Variants in MYH16 observed in about 807,000 individuals in gnomAD.
The protein encoded by MYH16 is putative uncharacterized protein MYH16.
downstream of MYH16, among the ~76,000 whole-genome samples, chr7:99,308,926 T>C (rs1169660393): frequency 6.6e-6 from 1 of 152,114 alleles, no homozygotes; most frequent in Non-Finnish European, 1.5e-5. Context: ...ACCCTATCTC[T>C]ACAAAAAAAT....
intron 13 of MYH16, among the ~76,000 whole-genome samples, chr7:99,262,438 G>C (rs2150812021): frequency 6.6e-6 from 1 of 152,336 alleles, no homozygotes; most frequent in South Asian, 2.1e-4. Context: ...GCAGGCTTGG[G>C]ACCAAATTGC....
At chr7:99,272,578 C>CA (rs566646437) in intron 19 of MYH16, among the ~76,000 whole-genome samples, 67 of 149,522 alleles carry the variant, frequency 4.5e-4, no homozygotes, top group Middle Eastern at 3.4e-3. Context: ...CCCATCTCTA[C>CA]AAAAAAAAAC....
Position 99,268,806 on chromosome 7 carries a change from G to A in MYH16, n.2266+1832G>A, listed in dbSNP as rs555153318. 5.9e-5 allele frequency among the ~76,000 whole-genome samples: 9 copies of A among 152,288 alleles called. No individual in the cohort carries two copies. The East Asian group carries it at 1.2e-3, about 20-fold the overall frequency. ...ATCAAGCCTGATTTCTCTACCTTGC[G>A]ATGTCTAGCTCCTCGGGGGTCCTTT... On this transcript the variant is annotated intron_variant and non_coding_transcript_variant, in intron 18 of 41. Coordinates refer to ENST00000439784, the Ensembl canonical transcript of MYH16.
chr7:99,279,516 G>C, exon 22 of MYH16: 1 of 456,680 alleles, frequency 2.2e-6, no homozygotes, highest in South Asian at 1.5e-5. Flanking sequence ...ACAGGAGCAA[G>C]AGAACCTGAT....
chr7:99,261,736 C>T (rs538772100), intron 13 of MYH16: 5 of 152,568 alleles, frequency 3.3e-5, no homozygotes, highest in African/African-American at 1.2e-4. Context: ...AGAGACGTCC[C>T]GCTTCCACTA....
intron 4 of MYH16, among the ~76,000 whole-genome samples, chr7:99,249,242 C>T (rs867503106): frequency 6.6e-6 from 1 of 152,032 alleles, no homozygotes; most frequent in Admixed American, 6.6e-5. Context: ...GGGCAAAATG[C>T]GAACAGAAGT....
intron 15 of MYH16, chr7:99,264,366 C>G (rs1358665849): frequency 6.5e-6 from 1 of 152,674 alleles, no homozygotes; most frequent in Non-Finnish European, 1.5e-5. Flanking sequence ...GCTGCTGCTT[C>G]ATGGCCAGGG....
intron 36 of MYH16, among the ~76,000 whole-genome samples, chr7:99,298,767 C>CTT (rs112315311): frequency 0.013 from 1,908 of 143,756 alleles, 32 homozygotes; most frequent in African/African-American, 0.045. Flanking sequence ...TGTCTTGTCG[C>CTT]TTTTTTTTTT....
chr7:99,298,987 G>A (rs1792547371), intron 36 of MYH16, among the ~76,000 whole-genome samples: 1 of 151,848 alleles, frequency 6.6e-6, no homozygotes, highest in South Asian at 2.1e-4. Flanking sequence ...AGCACTTTGG[G>A]AGGCTGAGAT....
At chr7:99,276,980 A>C (rs994978708) in intron 20 of MYH16, among the ~76,000 whole-genome samples, 2 of 152,084 alleles carry the variant, frequency 1.3e-5, no homozygotes, top group Non-Finnish European at 2.9e-5. Context: ...AGAGAAAAAG[A>C]GAGAGCAGAG....
exon 23 of MYH16, chr7:99,280,904 C>T (rs956323496): frequency 1.2e-5 from 5 of 419,724 alleles, no homozygotes; most frequent in Admixed American, 2.7e-5. Context: ...CGTACCCTGA[C>T]GGGGGACCTC....
chr7:99,263,791 A>G (rs566298902), intron 14 of MYH16, among the ~76,000 whole-genome samples: 1 of 152,174 alleles, frequency 6.6e-6, no homozygotes, highest in Non-Finnish European at 1.5e-5. Flanking sequence ...CTCTCTTGTC[A>G]GAAGCAAATG....
chr7:99,260,426 A>G, intron 12 of MYH16: 1 of 565,996 alleles, frequency 1.8e-6, no homozygotes, highest in Non-Finnish European at 3.3e-6. Context: ...GCTTCAGGGG[A>G]GTCAGTGACA....
chr7:99,262,513 T>C (rs1791947993), intron 13 of MYH16, among the ~76,000 whole-genome samples: 1 of 152,252 alleles, frequency 6.6e-6, no homozygotes, highest in Non-Finnish European at 1.5e-5. Flanking sequence ...AATGGAATAT[T>C]CAAAGTCAAG....
In MYH16 at chr7:99,277,502, A is replaced by G. The variant is rs553374819; in HGVS notation, n.2486-37A>G. On this transcript the variant is annotated intron_variant and non_coding_transcript_variant, in intron 20 of 41. Transcript: ENST00000439784. ...CTCCGTCTACCCCCCAGCAAACCCC[A>G]TTCTCCTAACACTCTTTGGTGTTGC... 5.0e-5 allele frequency: 22 copies of G among 444,428 alleles called. No homozygotes were observed. The East Asian group carries it at 1.3e-3, about 26-fold the overall frequency. 27.5% of individuals were successfully genotyped at this position (444,428 alleles called of 1,614,324 possible). A position where few individuals can be genotyped will look rare whatever the true frequency, so the allele number is the denominator to read the frequency against.
intron 28 of MYH16, among the ~76,000 whole-genome samples, chr7:99,287,299 G>A (rs952459202): frequency 6.6e-6 from 1 of 152,112 alleles, no homozygotes; most frequent in Admixed American, 6.5e-5. Context: ...TTGGGAGGCT[G>A]AGGTGGGTGG....
intron 1 of MYH16, among the ~76,000 whole-genome samples, chr7:99,240,576 C>T (rs4269467): frequency 0.023 from 3,561 of 152,232 alleles, 138 homozygotes; most frequent in African/African-American, 0.08. Flanking sequence ...AGAGGCCAGA[C>T]GCGGCAGCTC....
At chr7:99,275,473 C>A (rs1008755912) in intron 20 of MYH16, among the ~76,000 whole-genome samples, 1 of 152,152 alleles carries the variant, frequency 6.6e-6, no homozygotes, top group Admixed American at 6.5e-5. Context: ...TAATCTCATC[C>A]TAAGCAAATG....
chr7:99,296,121 G>A (rs1792486504), intron 33 of MYH16, among the ~76,000 whole-genome samples: 1 of 148,944 alleles, frequency 6.7e-6, no homozygotes, highest in African/African-American at 2.5e-5. Flanking sequence ...TACAGCCTGG[G>A]TGACAGGGTG....
Sources: allele counts gnomAD v4.1 joint callset (sites outside exome capture counted in the v4.1 genomes callset), GRCh38; gene constraint gnomAD v4.1.1; transcripts MANE v1.5; gene names NCBI Gene and HGNC (gene_info 2026-07-23, HGNC 2026-07-21).